STK32A: variants seen among roughly 807,000 people sequenced by gnomAD.
The protein encoded by STK32A is serine/threonine kinase 32A.
A neutral mutation model predicts 53.2 loss-of-function variants in STK32A; 41 were observed. The ratio of observed to expected loss-of-function variants is 0.77; its 90% CI spans 0.60 to 1.00. The LOEUF is 1.00. STK32A is among the 50% of genes least tolerant of loss of function. The probability of loss-of-function intolerance (pLI) is 0.00; values close to 1 mark genes in which losing one functional copy is unlikely to be tolerated. For missense variants in STK32A, 458 were observed against 485.8 expected (o/e 0.94, Z 0.54); for synonymous variants, 166 against 162.8 (o/e 1.02, Z -0.15).
At chr5:147,371,468 C>T (rs1757001779) in intron 9 of STK32A, among the ~76,000 whole-genome samples, 1 of 152,026 alleles carries the variant, frequency 6.6e-6, no homozygotes, top group African/African-American at 2.4e-5. Context: ...CTTTTACATA[C>T]CAGTCTTCCT....
intron 6 of STK32A, chr5:147,343,386 G>A (rs917384162): frequency 7.0e-5 from 26 of 373,680 alleles, no homozygotes; most frequent in Admixed American, 6.9e-4. Context: ...GATACAGAAG[G>A]CCTCAAGCTG....
At chr5:147,366,619 C>A (rs1321322581) in intron 8 of STK32A, among the ~76,000 whole-genome samples, 2 of 152,168 alleles carry the variant, frequency 1.3e-5, no homozygotes, top group African/African-American at 4.8e-5. Flanking sequence ...TCCTGTGAAT[C>A]TTTGGAATCT....
chr5:147,298,601 G>A (rs1265839165), intron 4 of STK32A, among the ~76,000 whole-genome samples: 1 of 152,206 alleles, frequency 6.6e-6, no homozygotes, highest in Non-Finnish European at 1.5e-5. Context: ...GTTTTAGATA[G>A]TTGAACTGCC....
chr5:147,237,271 C>T (rs898314339), intron 1 of STK32A, among the ~76,000 whole-genome samples: 1 of 152,026 alleles, frequency 6.6e-6, no homozygotes, highest in Non-Finnish European at 1.5e-5. Flanking sequence ...CGAGATGGTG[C>T]CACTGCACTC....
Position 147,357,337 on chromosome 5 carries a change from A to G in STK32A, c.563-4180A>G, listed in dbSNP as rs796727981. Among the ~76,000 whole-genome samples, 7 of 152,168 alleles carry G rather than the reference A, an allele frequency of 4.6e-5. No homozygotes were observed. In the South Asian group the frequency reaches 1.5e-3, roughly 32 times the overall value. The stretch of plus-strand genomic sequence containing the variant: ...ATTGTCCCAAAAAAGGTAGGTAAAA[A>G]TGATATGACATTATGATATTACCAC... On this transcript the variant is annotated intron_variant, in intron 7 of 12. Coordinates refer to ENST00000397936, the MANE Select transcript of STK32A (RefSeq NM_001112724.2).
In STK32A at chr5:147,258,982, G is replaced by A. The variant is rs374849337; in HGVS notation, c.53-19142G>A. Among the ~76,000 whole-genome samples the A allele has an allele frequency of 1.3e-4, 20 of 152,066 alleles. No individual in the cohort carries two copies. In the East Asian group the frequency reaches 2.7e-3, roughly 21 times the overall value. ...TTGGCTGAGTGCAAACAGCTCTCAC[G>A]TTTGAACAGACCAATTATTAGGCAG... On this transcript the variant is annotated intron_variant, in intron 2 of 12. Coordinates refer to ENST00000397936, the MANE Select transcript of STK32A (RefSeq NM_001112724.2).
At chr5:147,341,245 G>C (rs1173848384) in intron 5 of STK32A, among the ~76,000 whole-genome samples, 1 of 152,152 alleles carries the variant, frequency 6.6e-6, no homozygotes, top group African/African-American at 2.4e-5. Context: ...AGATCTGAAA[G>C]AGGTGGAAAG....
chr5:147,310,882 T>G (rs2151970895), intron 4 of STK32A, among the ~76,000 whole-genome samples: 1 of 152,316 alleles, frequency 6.6e-6, no homozygotes, highest in Admixed American at 6.5e-5. Flanking sequence ...AATTTCTCCC[T>G]TGAGAAGCTT....
intron 6 of STK32A, among the ~76,000 whole-genome samples, chr5:147,350,650 G>T (rs892281768): frequency 3.3e-5 from 5 of 151,924 alleles, no homozygotes; most frequent in Admixed American, 6.6e-5. Flanking sequence ...TTACAGGGGT[G>T]AGCCACCACG....
chr5:147,401,657 C>T, the STK32A span: 1 of 1,614,108 alleles, frequency 6.2e-7, no homozygotes, highest in Non-Finnish European at 8.5e-7. Flanking sequence ...TCCATCTATG[C>T]CGAGGCTGGC....
chr5:147,364,891 G>T (rs1255719753), intron 8 of STK32A, among the ~76,000 whole-genome samples: 1 of 152,142 alleles, frequency 6.6e-6, no homozygotes, highest in East Asian at 1.9e-4. Context: ...GTAACAGGTT[G>T]TATACTCTCA....
rs1354487817 is a variant in STK32A at position 147,355,788 on chromosome 5, G to GTATATATATA, written c.562+4635_562+4636insATATATATAT. Among the ~76,000 whole-genome samples the GTATATATATA allele has an allele frequency of 7.7e-3, 1,065 of 137,454 alleles. 13 individuals are homozygous for GTATATATATA. The highest frequency in any genetic ancestry group is 0.028 in the African/African-American group (1,029 of 37,352). 90.2% of individuals were successfully genotyped at this position (137,454 alleles called of 152,430 possible). ...TGTATATGTATGTGTGTGAGTGTGT[G>GTATATATATA]TGTGTATATATATATATATATATAA... On this transcript the variant is annotated intron_variant, in intron 7 of 12. Coordinates refer to ENST00000397936, the MANE Select transcript of STK32A (RefSeq NM_001112724.2).
At chr5:147,244,589 GA>G (rs1753707913) in intron 2 of STK32A, among the ~76,000 whole-genome samples, 1 of 152,194 alleles carries the variant, frequency 6.6e-6, no homozygotes, top group Non-Finnish European at 1.5e-5. Context: ...GTTTCTATGA[GA>G]AGAGTCAAAG....
At chr5:147,241,245 G>A (rs936743926) in intron 2 of STK32A, among the ~76,000 whole-genome samples, 3 of 152,168 alleles carry the variant, frequency 2.0e-5, no homozygotes, top group South Asian at 2.1e-4. Context: ...TTGGGAGGCC[G>A]AGGCGGGCGG....
chr5:147,294,896 G>A (rs1752795593), intron 4 of STK32A, among the ~76,000 whole-genome samples: 1 of 152,030 alleles, frequency 6.6e-6, no homozygotes, highest in Non-Finnish European at 1.5e-5. Context: ...TGTTTGCCAG[G>A]GTGGTCTCGA....
chr5:147,375,298 G>C (rs1437871250), intron 11 of STK32A, 80 bp downstream of exon 11: 2 of 1,513,910 alleles, frequency 1.3e-6, no homozygotes, highest in African/African-American at 2.8e-5. Context: ...CTACTGGGAG[G>C]TCATTTCAGC....
the STK32A span, chr5:147,392,998 G>A: frequency 6.6e-6 from 1 of 152,164 alleles, no homozygotes; most frequent in Admixed American, 6.5e-5. Flanking sequence ...TGCCAGGATC[G>A]AGAGAATCAA....
intron 2 of STK32A, among the ~76,000 whole-genome samples, chr5:147,276,720 C>T (rs1260133844): frequency 6.6e-6 from 1 of 152,166 alleles, no homozygotes; most frequent in Non-Finnish European, 1.5e-5. Context: ...GAAATAAACT[C>T]AGAAGTCAAG....
At chr5:147,357,329 A>G (rs1182630907) in intron 7 of STK32A, among the ~76,000 whole-genome samples, 4 of 152,082 alleles carry the variant, frequency 2.6e-5, no homozygotes, top group Non-Finnish European at 5.9e-5. Flanking sequence ...CAAAAAAGGT[A>G]GGTAAAAATG....
Sources: gnomAD v4.1 joint callset for allele counts (sites outside exome capture counted in the v4.1 genomes callset) on GRCh38, gnomAD v4.1.1 for gene constraint, MANE v1.5 for transcripts, NCBI Gene and HGNC (gene_info 2026-07-23, HGNC 2026-07-21) for gene names.